The following CHIA variants were observed in gnomAD, a reference collection of about 807,000 sequenced individuals.
CHIA encodes acidic mammalian chitinase.
Under a neutral mutation model 53.5 loss-of-function variants are expected in CHIA, and 47 were observed. That is an observed-to-expected ratio of 0.88 (90% confidence interval 0.70 to 1.12). The LOEUF (loss-of-function observed/expected upper bound fraction) is 1.12. Among genes scored for constraint, CHIA ranks in the 50% most tolerant of loss-of-function variants. The pLI is 0.00. For missense variants in CHIA, 652 were observed against 592.2 expected (o/e 1.10, Z -1.05); for synonymous variants, 268 against 222.2 (o/e 1.21, Z -1.83).
intron 2 of CHIA, among the ~76,000 whole-genome samples, chr1:111,311,314 C>T (rs1293498718): frequency 6.6e-6 from 1 of 152,138 alleles, no homozygotes; most frequent in Non-Finnish European, 1.5e-5. Context: ...TTAGCAGATG[C>T]CTTATCTGTT....
intron 3 of CHIA, 103 bp from the exon 4 acceptor site, chr1:111,312,087 G>T (rs555346981): frequency 7.1e-6 from 6 of 848,304 alleles, no homozygotes; most frequent in Admixed American, 1.8e-5. Flanking sequence ...CAGAGATCAG[G>T]CATCTGAGGC....
chr1:111,320,544 T>C lies in CHIA; in HGVS notation c.*78T>C. The C allele has an allele frequency of 7.3e-7, 1 of 1,361,396 alleles. No individual in the cohort carries two copies. Among genetic ancestry groups the C allele is most frequent in the South Asian group, 1.3e-5 (1 of 78,486 alleles). 84.3% of individuals were successfully genotyped at this position (1,361,396 alleles called of 1,614,324 possible). A position where few individuals can be genotyped will look rare whatever the true frequency, so the allele number is the denominator to read the frequency against. On this transcript the variant is annotated 3_prime_UTR_variant, in exon 12 of 12. Coordinates refer to ENST00000369740, the MANE Select transcript of CHIA (RefSeq NM_201653.4). ...GTTGCCCCTACCTAAAGTCCTGCAA[T>C]AAAATCAGCAGTCAAAACATGACTG...
chr1:111,307,519 T>C, intron 1 of CHIA, among the ~76,000 whole-genome samples: 1 of 152,012 alleles, frequency 6.6e-6, no homozygotes, highest in East Asian at 1.9e-4. Flanking sequence ...AGTTCAAAAC[T>C]CAGAATAGTG....
chr1:111,318,367 GA>G, intron 8 of CHIA, 125 bp from the exon 9 acceptor site: 1 of 949,900 alleles, frequency 1.1e-6, no homozygotes, highest in Non-Finnish European at 1.6e-6. Context: ...AAAATGTTTT[GA>G]AAAAAATACT....
At chr1:111,302,675 C>G (rs1446508521) in intron 1 of CHIA, among the ~76,000 whole-genome samples, 1 of 152,092 alleles carries the variant, frequency 6.6e-6, no homozygotes, top group Non-Finnish European at 1.5e-5. Flanking sequence ...AATATATAGT[C>G]TATACTGAAA....
rs1292769788 is a variant in CHIA at position 111,320,364 on chromosome 1, C to T, written c.1329C>T (p.Asn443=). 6 of 1,614,104 alleles carry T rather than the reference C, an allele frequency of 3.7e-6. No individual in the cohort carries two copies. The Admixed American group carries it at 1.0e-4, about 27-fold the overall frequency. ...ACGGCCTCTACCCCGTGGCAAATAA[C>T]AGAAATGCCTTCTGGCACTGCGTGA... is the stretch of plus-strand genomic sequence containing the variant. ...RANGLYPVAN[N]RNAFWHCVNG... The change falls in exon 12 of 12, where the codon AAC becomes AAT. Residue 443 remains asparagine, a synonymous_variant. Coordinates refer to ENST00000369740, the MANE Select transcript of CHIA (RefSeq NM_201653.4).
Position 111,320,400 on chromosome 1 carries a change from G to A in CHIA, c.1365G>A (p.Thr455=), listed in dbSNP as rs756487510. The A allele has an allele frequency of 2.2e-5, 35 of 1,614,072 alleles. No homozygotes were observed. The highest frequency in any genetic ancestry group is 1.1e-4 in the East Asian group (5 of 44,892). Residue 455 remains threonine (T), a synonymous_variant, in exon 12 of 12, where the codon ACG becomes ACA. Transcript: ENST00000369740. The part of the protein sequence containing the change: ...NAFWHCVNGV[T]YQQNCQAGLV... ...TCTGGCACTGCGTGAATGGAGTCAC[G>A]TACCAGCAGAACTGCCAGGCCGGGC...
intron 1 of CHIA, among the ~76,000 whole-genome samples, chr1:111,298,165 G>C (rs1015867804): frequency 6.6e-6 from 1 of 152,134 alleles, no homozygotes; most frequent in African/African-American, 2.4e-5. Flanking sequence ...ACAACCCACT[G>C]CCAATATTAG....
chr1:111,292,636 G>A (rs980694807), intron 1 of CHIA, among the ~76,000 whole-genome samples: 23 of 152,050 alleles, frequency 1.5e-4, no homozygotes, highest in African/African-American at 5.3e-4. Context: ...CAGTTCGGTG[G>A]TACTAAATAC....
At position 111,318,547 on chromosome 1, in the gene CHIA, G is replaced by T. The variant is rs367730751; in HGVS notation, c.784G>T (p.Val262Phe). 2 of 1,614,188 alleles carry T rather than the reference G, an allele frequency of 1.2e-6. No individual in the cohort carries two copies. The highest frequency in any genetic ancestry group is 2.2e-5 in the South Asian group (2 of 91,088). The change falls in exon 9 of 12, where the codon GTT (valine) becomes TTT (phenylalanine). Residue 262 changes from valine to phenylalanine, a missense_variant. Val to Phe is a conservative substitution (Grantham distance 50). Coordinates refer to ENST00000369740, the MANE Select transcript of CHIA (RefSeq NM_201653.4). ...DNGAPAEKLI[V>F]GFPTYGHNFI... ...TGGAGCACCAGCTGAGAAGCTCATC[G>T]TTGGATTCCCTACCTATGGACACAA...
At chr1:111,305,672 C>A (rs6681534) in intron 1 of CHIA, among the ~76,000 whole-genome samples, 3 of 152,124 alleles carry the variant, frequency 2.0e-5, no homozygotes, top group Admixed American at 1.3e-4. Flanking sequence ...TTGCATCAGA[C>A]AAATTCTGCC....
chr1:111,296,866 A>G (rs1661372896), intron 1 of CHIA, among the ~76,000 whole-genome samples: 1 of 152,246 alleles, frequency 6.6e-6, no homozygotes, highest in African/African-American at 2.4e-5. Context: ...TAAACAGTGT[A>G]GAGAAGAACT....
At chr1:111,317,542 G>T in intron 6 of CHIA, 139 bp from the exon 7 acceptor site, 1 of 907,564 alleles carries the variant, frequency 1.1e-6, no homozygotes, top group Non-Finnish European at 1.7e-6. Context: ...TTATTTGGTT[G>T]TTGAGAGACT....
At chr1:111,292,113 C>T (rs934260421) in intron 1 of CHIA, among the ~76,000 whole-genome samples, 1 of 152,114 alleles carries the variant, frequency 6.6e-6, no homozygotes. Flanking sequence ...TATAATTACT[C>T]CTCAGCTATC....
At chr1:111,297,930 C>T in intron 1 of CHIA, among the ~76,000 whole-genome samples, 1 of 89,990 alleles carries the variant, frequency 1.1e-5, no homozygotes, top group Non-Finnish European at 2.3e-5. Context: ...AAAAAACAAG[C>T]AGGGGTTGTA....
chr1:111,300,823 A>G (rs1647663023), intron 1 of CHIA, among the ~76,000 whole-genome samples: 1 of 152,214 alleles, frequency 6.6e-6, no homozygotes, highest in Non-Finnish European at 1.5e-5. Context: ...AATTTTTGCA[A>G]TCTACCCATC....
intron 5 of CHIA, chr1:111,315,000 T>A: frequency 4.6e-6 from 2 of 433,136 alleles, no homozygotes; most frequent in Non-Finnish European, 8.3e-6. Context: ...GGGAACACAG[T>A]GTGCTGGGTT....
At chr1:111,292,318 G>A (rs1333772303) in intron 1 of CHIA, among the ~76,000 whole-genome samples, 1 of 152,176 alleles carries the variant, frequency 6.6e-6, no homozygotes, top group African/African-American at 2.4e-5. Context: ...CTTGTCTAAT[G>A]TCACATATCT....
intron 6 of CHIA, chr1:111,315,785 C>T: frequency 2.2e-6 from 1 of 460,766 alleles, no homozygotes; most frequent in Non-Finnish European, 4.3e-6. Flanking sequence ...CAAGATCACA[C>T]AACTAGTAGG....
Sources: gnomAD v4.1 joint callset for allele counts (sites outside exome capture counted in the v4.1 genomes callset) on GRCh38, gnomAD v4.1.1 for gene constraint, MANE v1.5 for transcripts, NCBI Gene and HGNC (gene_info 2026-07-23, HGNC 2026-07-21) for gene names.